MGAM: variants seen among roughly 807,000 people sequenced by gnomAD.
The protein encoded by MGAM is alpha-1,4-glucosidase.
In MGAM, 253 loss-of-function variants were observed where a neutral mutation model predicts 358.8. The observed-to-expected ratio is 0.71, with a 90% CI of 0.64 to 0.78. The LOEUF (loss-of-function observed/expected upper bound fraction) is 0.78, where lower values mean the gene tolerates loss of function less well. Among genes scored for constraint, MGAM ranks in the 30% least tolerant of loss-of-function variants. The probability of loss-of-function intolerance (pLI) is 0.00; values close to 1 mark genes in which losing one functional copy is unlikely to be tolerated. For synonymous variants in MGAM, 1,105 were observed against 1,227.1 expected, an observed-to-expected ratio of 0.90 and a Z score of 2.08; for missense variants, 3,080 against 3,432.6, an observed-to-expected ratio of 0.90 and a Z score of 2.57.
At position 142,031,798 on chromosome 7, in the gene MGAM, GT is replaced by G. The variant is rs1563131935; in HGVS notation, c.1584+7del. 6.4e-7 allele frequency: 1 copy of G among 1,565,880 alleles called. No homozygotes were observed. Among genetic ancestry groups the G allele is most frequent in the Admixed American group, 1.7e-5 (1 of 59,826 alleles). ...GAGTTTGATGGAATCTGGATTGTGA[GT>G]TGTTTACACTTGGATTATTAGGTGA... On this transcript the variant is annotated splice_donor_region_variant and intron_variant, in intron 13 of 70. Transcript: ENST00000475668.
rs1813898639 is a variant in MGAM at position 142,078,123 on chromosome 7, C to T, written c.5494-195C>T. On this transcript the variant is annotated intron_variant, in intron 47 of 70. Coordinates refer to ENST00000475668, the MANE Select transcript of MGAM (RefSeq NM_001365693.1). ...GATTCTGCTAGAGGGGAGTCATATG[C>T]CCTGTTACTGCTAAATAGATTCCCC... Among the ~76,000 whole-genome samples, 2 of 145,988 alleles carry T rather than the reference C, an allele frequency of 1.4e-5. 1 individual carries two copies.
Position 142,080,993 on chromosome 7 carries a change from C to T in MGAM, c.6002+48C>T, listed in dbSNP as rs775409172. The T allele has an allele frequency of 1.5e-5, 21 of 1,447,480 alleles. 4 individuals carry two copies. The highest frequency in any genetic ancestry group is 2.4e-5 in the South Asian group (2 of 82,770). 89.7% of individuals were successfully genotyped at this position (1,447,480 alleles called of 1,614,324 possible). On this transcript the variant is annotated intron_variant, in intron 50 of 70. Transcript: ENST00000475668. ...CAGAGTTGATGGCTACCTGCGCCTT[C>T]GCTGCCAGGTCCATTGTCCTTGGAT...
In MGAM at chr7:142,070,992, A is replaced by C; in HGVS notation, c.5062-2A>C. On this transcript the variant is annotated splice_acceptor_variant, in intron 43 of 70. Transcript: ENST00000475668. LOFTEE classifies it high-confidence loss of function. ...TCATCTTTTACCTTCTTCTGCCCCC[A>C]GGGTGTGGATATTAATGCAAGAGGA... 6.4e-7 allele frequency: 1 copy of C among 1,556,084 alleles called. No homozygotes were observed. Among genetic ancestry groups the C allele is most frequent in the Non-Finnish European group, 8.8e-7 (1 of 1,132,404 alleles).
At chr7:142,029,455 A>G (rs1807266773) in intron 10 of MGAM, among the ~76,000 whole-genome samples, 1 of 152,172 alleles carries the variant, frequency 6.6e-6, no homozygotes, top group African/African-American at 2.4e-5. Context: ...CTAACATCAT[A>G]GAGGTCATCT....
intron 10 of MGAM, among the ~76,000 whole-genome samples, chr7:142,028,986 C>A (rs1425717359): frequency 6.6e-6 from 1 of 152,146 alleles, no homozygotes; most frequent in Non-Finnish European, 1.5e-5. Flanking sequence ...AGTGCTACAA[C>A]GTGGTGAACT....
rs751822596 is a variant in MGAM, at chr7:142,040,719, C to G, written c.2374-3C>G. 4 of 1,612,792 alleles carry G rather than the reference C, an allele frequency of 2.5e-6. No homozygotes were observed. The East Asian group carries it at 6.7e-5, about 27-fold the overall frequency. The stretch of plus-strand genomic sequence containing the variant: ...ATGTGTTTGATTTATCTGCATGCAT[C>G]AGGGGAGCCAAGTGAGATGGAGGAA... On this transcript the variant is annotated splice_region_variant and splice_polypyrimidine_tract_variant and intron_variant, in intron 20 of 70. Transcript: ENST00000475668.
intron 8 of MGAM, among the ~76,000 whole-genome samples, chr7:142,025,441 A>T (rs1806871912): frequency 6.6e-6 from 1 of 152,156 alleles, no homozygotes; most frequent in African/African-American, 2.4e-5. Flanking sequence ...ACTCTGAGAT[A>T]GTTTCCACCA....
At chr7:142,036,563 A>C (rs964518407) in intron 17 of MGAM, among the ~76,000 whole-genome samples, 1 of 152,202 alleles carries the variant, frequency 6.6e-6, no homozygotes, top group East Asian at 1.9e-4. Context: ...TTGCTTTTAA[A>C]TAAGAAGCAA....
chr7:142,014,557 A>G (rs1424209242), intron 3 of MGAM, among the ~76,000 whole-genome samples: 1 of 152,148 alleles, frequency 6.6e-6, no homozygotes, highest in Non-Finnish European at 1.5e-5. Flanking sequence ...ATAAAATATT[A>G]TCAGCAGAGA....
At chr7:142,055,044 G>T in intron 27 of MGAM, 136 bp downstream of exon 27, 1 of 1,055,552 alleles carries the variant, frequency 9.5e-7, no homozygotes. Context: ...GTTTCCTTCA[G>T]ACCTATTCTT....
intron 1 of MGAM, among the ~76,000 whole-genome samples, chr7:141,998,051 C>G (rs1314537834): frequency 2.0e-5 from 3 of 152,128 alleles, no homozygotes; most frequent in Admixed American, 2.0e-4. Context: ...GGAAAGAGGA[C>G]AAATATCCAG....
chr7:142,043,619 A>T (rs1584984109), intron 21 of MGAM, among the ~76,000 whole-genome samples: 1 of 128,728 alleles, frequency 7.8e-6, no homozygotes, highest in African/African-American at 3.1e-5. Context: ...CTAATATATA[A>T]TACATATATT....
intron 48 of MGAM, 71 bp downstream of exon 48, chr7:142,078,541 G>C: frequency 7.3e-7 from 1 of 1,366,736 alleles, no homozygotes; most frequent in Non-Finnish European, 9.9e-7. Context: ...AAGCATAGCA[G>C]TGGCACTTAT....
In MGAM at chr7:142,041,950, AT is replaced by A. The variant is rs1373018566; in HGVS notation, c.2498+1105del. Among the ~76,000 whole-genome samples, 75 of 7,934 alleles carry A rather than the reference AT, an allele frequency of 9.5e-3. 4 individuals carry two copies. Among genetic ancestry groups the A allele is most frequent in the South Asian group, 0.024 (9 of 370 alleles). 5.2% of individuals were successfully genotyped at this position (7,934 alleles called of 152,430 possible). On this transcript the variant is annotated intron_variant, in intron 21 of 70. Transcript: ENST00000475668. ...TATAATATATATATTATATATATACATATATATAATATATATATATTATATA... is the reference window on the plus strand; with the variant it reads ...TATAATATATATATTATATATATACAATATATAATATATATATATTATATA...
intron 10 of MGAM, 45 bp downstream of exon 10, chr7:142,027,780 T>C: frequency 1.4e-6 from 2 of 1,462,186 alleles, no homozygotes; most frequent in Non-Finnish European, 1.8e-6. Context: ...AGAAATTCCC[T>C]TGAAGAAAAA....
At chr7:142,016,888 G>A (rs143924063) in intron 3 of MGAM, among the ~76,000 whole-genome samples, 163 of 152,218 alleles carry the variant, frequency 1.1e-3, no homozygotes, top group African/African-American at 3.7e-3. Context: ...CACCCAGCTG[G>A]CATTCTTTTT....
Position 142,034,244 on chromosome 7 carries a change from A to C in MGAM, c.1670-18A>C, listed in dbSNP as rs1477294304. ...GTGCAACTTAGGCTCTCACTGATTG[A>C]TCCTGCTTTTGTTTCAGGAATCCTG... On this transcript the variant is annotated intron_variant, in intron 14 of 70. Transcript: ENST00000475668. The C allele has an allele frequency of 2.0e-6, 3 of 1,533,468 alleles. No individual in the cohort carries two copies. The African/African-American group carries it at 4.1e-5, about 21-fold the overall frequency. The allele number at this position is 1,533,468 out of a possible 1,614,324, so 95.0% of individuals were successfully genotyped here. A position where few individuals can be genotyped will look rare whatever the true frequency, so the allele number is the denominator to read the frequency against.
chr7:142,008,605 C>G lies in MGAM; in HGVS notation c.227C>G (p.Pro76Arg). The change falls in exon 3 of 71, where the codon CCA becomes CGA. Residue 76 changes from proline (P) to arginine (R), a missense_variant. Physicochemically the swap from Pro to Arg is moderately radical, Grantham distance 103 (BLOSUM62 -2). Coordinates refer to ENST00000475668, the MANE Select transcript of MGAM (RefSeq NM_001365693.1). ...ACACATGCTAGGACAACGGGTCCCC[C>G]AGATCCTGGAACAACTGGTACCACT... The part of the protein sequence containing the change: ...GTTHARTTGP[P>R]DPGTTGTTPV... 1 of 1,613,448 alleles carries G rather than the reference C, an allele frequency of 6.2e-7. No individual in the cohort carries two copies. Among genetic ancestry groups the G allele is most frequent in the Non-Finnish European group, 8.5e-7 (1 of 1,179,610 alleles).
chr7:142,064,759 C>T (rs1263572405), intron 37 of MGAM, among the ~76,000 whole-genome samples: 1 of 152,108 alleles, frequency 6.6e-6, no homozygotes, highest in Non-Finnish European at 1.5e-5. Flanking sequence ...ACTTAATGAT[C>T]CTAGTGGGAA....
Sources: allele counts gnomAD v4.1 joint callset (sites outside exome capture counted in the v4.1 genomes callset), GRCh38; gene constraint gnomAD v4.1.1; transcripts MANE v1.5; gene names NCBI Gene and HGNC (gene_info 2026-07-23, HGNC 2026-07-21).